GCA: variants seen among roughly 807,000 people sequenced by gnomAD.
GCA encodes grancalcin, EF-hand calcium-binding protein.
Under a neutral mutation model 32.6 loss-of-function variants are expected in GCA, and 30 were observed. The ratio of observed to expected loss-of-function variants is 0.92; its 90% CI spans 0.69 to 1.25. The LOEUF (loss-of-function observed/expected upper bound fraction) is 1.25, where lower values mean the gene tolerates loss of function less well. Ranked by LOEUF, GCA falls within the 50% of genes most tolerant of loss-of-function variation. GCA has a pLI of 0.00. For synonymous variants in GCA, 102 were observed against 84.6 expected (o/e 1.21, Z -1.13); for missense variants, 291 against 266.8 (o/e 1.09, Z -0.63).
downstream of GCA, among the ~76,000 whole-genome samples, chr2:162,365,573 C>T (rs1313026023): frequency 6.6e-6 from 1 of 151,680 alleles, no homozygotes; most frequent in East Asian, 1.9e-4. Context: ...GTACTTACTA[C>T]TTAGCCAGAT....
In GCA at chr2:162,362,372, AAT is replaced by A. The variant is rs1254490500; in HGVS notation, c.*2132_*2133del. 2 of 981,010 alleles carry A rather than the reference AAT, an allele frequency of 2.0e-6. No individual in the cohort carries two copies. The highest frequency in any genetic ancestry group is 3.5e-5 in the African/African-American group (2 of 57,060). The allele number at this position is 981,010 out of a possible 1,614,324, so 60.8% of individuals were successfully genotyped here. A position where few individuals can be genotyped will look rare whatever the true frequency, so the allele number is the denominator to read the frequency against. The stretch of plus-strand genomic sequence containing the variant: ...GTTAACAAAAACATTAGGCCTAGAG[AAT>A]ATTTTACCAGAATTTTTATACTGAA... On this transcript the variant is annotated 3_prime_UTR_variant, in exon 8 of 8. Transcript: ENST00000437150.
At chr2:162,342,084 T>G (rs1366595487), upstream of GCA, among the ~76,000 whole-genome samples, 5 of 152,234 alleles carry the variant, frequency 3.3e-5, no homozygotes, top group African/African-American at 1.2e-4. Flanking sequence ...CAGTATTAAC[T>G]TGACTCATGG....
chr2:162,338,438 G>C (rs1684342103), intron 1 of GCA, among the ~76,000 whole-genome samples: 1 of 152,084 alleles, frequency 6.6e-6, no homozygotes, highest in Non-Finnish European at 1.5e-5. Context: ...TAACCAATGG[G>C]ATAAGCATCA....
intron 1 of GCA, among the ~76,000 whole-genome samples, chr2:162,322,269 A>G (rs1013910531): frequency 9.2e-5 from 14 of 151,628 alleles, no homozygotes; most frequent in African/African-American, 3.4e-4. Flanking sequence ...TGGAACATTC[A>G]TTTTTCAAGT....
upstream of GCA, among the ~76,000 whole-genome samples, chr2:162,340,234 A>G (rs1036323447): frequency 2.0e-5 from 3 of 152,184 alleles, no homozygotes; most frequent in African/African-American, 7.2e-5. Flanking sequence ...TGTTCACTCT[A>G]GGCAACCTCT....
intron 7 of GCA, among the ~76,000 whole-genome samples, 167 bp downstream of exon 7, chr2:162,359,719 G>A (rs749176862): frequency 6.6e-6 from 1 of 150,740 alleles, no homozygotes; most frequent in African/African-American, 2.4e-5. Flanking sequence ...ATTGGTATAG[G>A]TGCCAAACAA....
chr2:162,333,102 T>G (rs1046875969), intron 1 of GCA, among the ~76,000 whole-genome samples: 1 of 152,080 alleles, frequency 6.6e-6, no homozygotes, highest in Non-Finnish European at 1.5e-5. Context: ...GTTGCAAGAT[T>G]AATTCAGAGC....
rs1576300319 is a variant in GCA, at chr2:162,359,086, G to T, written c.497G>T (p.Arg166Leu). The T allele has an allele frequency of 6.2e-7, 1 of 1,604,138 alleles. No individual in the cohort carries two copies. Among genetic ancestry groups the T allele is most frequent in the Non-Finnish European group, 8.5e-7 (1 of 1,172,560 alleles). Residue 166 changes from arginine to leucine, a missense_variant, in exon 6 of 8, where the codon CGT (arginine) becomes CTT (leucine). Coordinates refer to ENST00000437150, the MANE Select transcript of GCA (RefSeq NM_012198.5). ...CAAACATTAACTACTATTGTTAAAC[G>T]TTATAGCAAGAATGGCAGAATTTTC... ...SPQTLTTIVKRYSKNGRIFFD... is the reference protein window; with the variant it reads ...SPQTLTTIVKLYSKNGRIFFD...
chr2:162,363,440 G>C (rs961352950), downstream of GCA, among the ~76,000 whole-genome samples: 5 of 151,208 alleles, frequency 3.3e-5, no homozygotes, highest in Admixed American at 2.0e-4. Context: ...AATATGTCTA[G>C]AGTTTATACA....
At chr2:162,373,540 A>T, downstream of GCA, 1 of 1,590,774 alleles carries the variant, frequency 6.3e-7, no homozygotes. Flanking sequence ...CATCAGCTGG[A>T]TGATGGGTCT....
chr2:162,348,681 CT>C (rs1221070079), intron 2 of GCA, among the ~76,000 whole-genome samples: 2 of 152,100 alleles, frequency 1.3e-5, no homozygotes, highest in East Asian at 3.8e-4. Flanking sequence ...TGAATTGTTA[CT>C]GATGATATGT....
chr2:162,326,172 A>G (rs773261195), intron 1 of GCA, among the ~76,000 whole-genome samples: 2 of 152,172 alleles, frequency 1.3e-5, no homozygotes, highest in Non-Finnish European at 2.9e-5. Flanking sequence ...TCAATCCTAC[A>G]TTGTCAGCAA....
intron 4 of GCA, among the ~76,000 whole-genome samples, chr2:162,371,030 A>C (rs1685917555): frequency 1.3e-5 from 2 of 152,174 alleles, no homozygotes; most frequent in South Asian, 4.1e-4. Flanking sequence ...AAAGCTGTGG[A>C]TATCAGTTTG....
Position 162,360,424 on chromosome 2 carries a change from T to A in GCA, c.*181T>A. On this transcript the variant is annotated 3_prime_UTR_variant, in exon 8 of 8. Coordinates refer to ENST00000437150, the MANE Select transcript of GCA (RefSeq NM_012198.5). ...AGCAATAAAAGATTTCTTTTTTAAT[T>A]TGAGGTATTACTGCTTTTGGAAAAG... The A allele has an allele frequency of 8.2e-7, 1 of 1,223,208 alleles. No individual in the cohort carries two copies. The highest frequency in any genetic ancestry group is 1.1e-6 in the Non-Finnish European group (1 of 941,516). The allele number at this position is 1,223,208 out of a possible 1,614,324, so 75.8% of individuals were successfully genotyped here. A position where few individuals can be genotyped will look rare whatever the true frequency, so the allele number is the denominator to read the frequency against.
In GCA at chr2:162,323,549, G is replaced by A. The variant is rs372877353; in HGVS notation, c.-31+4324G>A. 9.3e-4 allele frequency among the ~76,000 whole-genome samples: 142 copies of A among 151,926 alleles called. 1 individual carries two copies. Among genetic ancestry groups the A allele is most frequent in the South Asian group, 3.9e-3 (19 of 4,816 alleles). ...GGGTTTTTATGGTTTTAGGTCTAAC[G>A]TTTAAGTCTTTAATCCATCTTGAAT... On this transcript the variant is annotated intron_variant, in intron 1 of 4. Coordinates refer to the GCA transcript ENST00000429691.
intron 4 of GCA, 64 bp from the exon 5 acceptor site, chr2:162,356,694 G>A (rs1685289103): frequency 7.9e-7 from 1 of 1,258,902 alleles, no homozygotes; most frequent in Non-Finnish European, 1.1e-6. Flanking sequence ...TCATGTTTTA[G>A]TCAATGATTT....
At chr2:162,370,147 GT>G (rs1006038943) in intron 4 of GCA, among the ~76,000 whole-genome samples, 1 of 152,130 alleles carries the variant, frequency 6.6e-6, no homozygotes, top group Non-Finnish European at 1.5e-5. Context: ...CAGTGCAATA[GT>G]TTTAGTAACT....
At chr2:162,356,143 G>GC (rs1245916616) in intron 3 of GCA, among the ~76,000 whole-genome samples, 1 of 151,964 alleles carries the variant, frequency 6.6e-6, no homozygotes, top group Non-Finnish European at 1.5e-5. Context: ...TTTTCCCCAG[G>GC]CTTGGGTGAA....
intron 1 of GCA, among the ~76,000 whole-genome samples, chr2:162,334,244 G>T (rs1042312552): frequency 6.6e-6 from 1 of 151,944 alleles, no homozygotes; most frequent in African/African-American, 2.4e-5. Flanking sequence ...AAACAAAATT[G>T]TAACTATGTA....
Sources: allele counts gnomAD v4.1 joint callset (sites outside exome capture counted in the v4.1 genomes callset), GRCh38; gene constraint gnomAD v4.1.1; transcripts MANE v1.5; gene names NCBI Gene and HGNC (gene_info 2026-07-23, HGNC 2026-07-21).